TGS1: variants seen among roughly 807,000 people sequenced by gnomAD.
TGS1 encodes the protein trimethylguanosine synthase.
A neutral mutation model predicts 92.2 loss-of-function variants in TGS1; 69 were observed. The ratio of observed to expected loss-of-function variants is 0.75; its 90% CI spans 0.62 to 0.91. The LOEUF (loss-of-function observed/expected upper bound fraction) is 0.91. Among genes scored for constraint, TGS1 ranks in the 40% least tolerant of loss-of-function variants. The probability of loss-of-function intolerance (pLI) is 0.00; values close to 1 mark genes in which losing one functional copy is unlikely to be tolerated. For missense variants in TGS1, 1,062 were observed against 1,001.2 expected (o/e 1.06, Z -0.82); for synonymous variants, 345 against 338.1 (o/e 1.02, Z -0.22).
chr8:55,793,962 G>A (rs935942576), intron 6 of TGS1, among the ~76,000 whole-genome samples: 1 of 151,736 alleles, frequency 6.6e-6, no homozygotes, highest in African/African-American at 2.4e-5. Flanking sequence ...AGAAAAATTA[G>A]GTCATATTAT....
intron 12 of TGS1, among the ~76,000 whole-genome samples, chr8:55,818,382 A>G (rs954866009): frequency 6.6e-5 from 10 of 152,190 alleles, no homozygotes; most frequent in African/African-American, 2.4e-4. Flanking sequence ...CATGTTGGCC[A>G]GCTATTCTTC....
At position 55,786,827 on chromosome 8, in the gene TGS1, G is replaced by T; in HGVS notation, c.929G>T (p.Ser310Ile). ...GTTGATAATGATAGCTCTGGTACAA[G>T]TGATAAGGATCATAGTGAAATACTT... Reference protein sequence around the residue: ...IMVDNDSSGTSDKDHSEILDG... With the variant: ...IMVDNDSSGTIDKDHSEILDG... The change falls in exon 4 of 13, where the codon AGT becomes ATT. Residue 310 changes from serine (S) to isoleucine (I), a missense_variant. Transcript: ENST00000260129. 1 of 1,614,118 alleles carries T rather than the reference G, an allele frequency of 6.2e-7. No individual in the cohort carries two copies. The highest frequency in any genetic ancestry group is 1.1e-5 in the South Asian group (1 of 91,076).
chr8:55,793,246 C>G (rs749398271), intron 6 of TGS1, among the ~76,000 whole-genome samples: 1 of 152,184 alleles, frequency 6.6e-6, no homozygotes. Context: ...ATATTTTCTT[C>G]CAGTCGTTCT....
At chr8:55,778,921 T>C (rs890306180) in intron 1 of TGS1, among the ~76,000 whole-genome samples, 1 of 152,238 alleles carries the variant, frequency 6.6e-6, no homozygotes, top group African/African-American at 2.4e-5. Context: ...TGATGATTGC[T>C]ATATTCAGAG....
chr8:55,824,495 C>T (rs1585801529), intron 12 of TGS1, 86 bp from the exon 13 acceptor site: 1 of 1,544,244 alleles, frequency 6.5e-7, no homozygotes, highest in Non-Finnish European at 8.8e-7. Flanking sequence ...CAGAGTCTTC[C>T]TATTATTTGA....
chr8:55,788,085 A>C (rs1175293665), intron 4 of TGS1, among the ~76,000 whole-genome samples: 1 of 152,250 alleles, frequency 6.6e-6, no homozygotes, highest in Non-Finnish European at 1.5e-5. Flanking sequence ...TCCAAACCCT[A>C]TCAGTGCTCT....
intron 1 of TGS1, among the ~76,000 whole-genome samples, chr8:55,775,365 G>A (rs1811366845): frequency 6.6e-6 from 1 of 152,208 alleles, no homozygotes; most frequent in Admixed American, 6.5e-5. Context: ...CCTTAAGCTG[G>A]GGAATGACAT....
intron 8 of TGS1, among the ~76,000 whole-genome samples, chr8:55,801,431 C>T (rs1158694764): frequency 2.1e-5 from 3 of 144,706 alleles, no homozygotes; most frequent in East Asian, 2.0e-4. Flanking sequence ...CCACCGTGCC[C>T]AGCTAATTTT....
rs965294077 is a variant in TGS1 at position 55,786,997 on chromosome 8, A to G, written c.1099A>G (p.Asn367Asp). ...TGCTTCCGGCCAAAGTGAACCACGTAATGGAGGAACCAATGAGGAAAGCAA... is the reference window on the plus strand; with the variant it reads ...TGCTTCCGGCCAAAGTGAACCACGTGATGGAGGAACCAATGAGGAAAGCAA... Reference protein sequence around the residue: ...CPASGQSEPRNGGTNEESNSS... With the variant: ...CPASGQSEPRDGGTNEESNSS... Residue 367 changes from asparagine to aspartate, a missense_variant, in exon 4 of 13, where the codon AAT becomes GAT. Coordinates refer to ENST00000260129, the MANE Select transcript of TGS1 (RefSeq NM_024831.8). 1.9e-6 allele frequency: 3 copies of G among 1,614,158 alleles called. No individual in the cohort carries two copies. Among genetic ancestry groups the G allele is most frequent in the Non-Finnish European group, 2.5e-6 (3 of 1,180,024 alleles).
intron 1 of TGS1, among the ~76,000 whole-genome samples, chr8:55,779,546 C>G (rs1045156095): frequency 6.6e-6 from 1 of 152,212 alleles, no homozygotes; most frequent in South Asian, 2.1e-4. Context: ...GTAGGAGATG[C>G]AGGCCAGGAA....
intron 1 of TGS1, among the ~76,000 whole-genome samples, chr8:55,774,716 A>C (rs1480090137): frequency 6.6e-6 from 1 of 152,210 alleles, no homozygotes; most frequent in Non-Finnish European, 1.5e-5. Flanking sequence ...CAATATTAAG[A>C]TAACTGGTTA....
chr8:55,792,211 A>T (rs1264530686), intron 5 of TGS1, among the ~76,000 whole-genome samples: 1 of 152,230 alleles, frequency 6.6e-6, no homozygotes, highest in African/African-American at 2.4e-5. Flanking sequence ...GATCTCTAGT[A>T]GGTGGATTCT....
chr8:55,798,267 T>C (rs1446785669), intron 7 of TGS1, among the ~76,000 whole-genome samples: 1 of 152,220 alleles, frequency 6.6e-6, no homozygotes, highest in Non-Finnish European at 1.5e-5. Context: ...GAAGACAAGA[T>C]AGGAAGAATA....
intron 9 of TGS1, among the ~76,000 whole-genome samples, chr8:55,802,960 C>T (rs1210635907): frequency 1.3e-5 from 2 of 148,256 alleles, no homozygotes; most frequent in Non-Finnish European, 3.0e-5. Flanking sequence ...TCCTTTATCA[C>T]GTTTTTTTTT....
At chr8:55,806,043 A>G (rs935673446) in intron 10 of TGS1, among the ~76,000 whole-genome samples, 2 of 151,654 alleles carry the variant, frequency 1.3e-5, no homozygotes, top group East Asian at 1.9e-4. Context: ...CGGGCAACAG[A>G]GTGAGACCTA....
At chr8:55,789,176 C>T (rs1352469600) in intron 4 of TGS1, among the ~76,000 whole-genome samples, 1 of 152,122 alleles carries the variant, frequency 6.6e-6, no homozygotes, top group Non-Finnish European at 1.5e-5. Flanking sequence ...CTGAAAGAGT[C>T]AAAGCTTCCC....
At chr8:55,805,719 A>C (rs1812346848) in intron 10 of TGS1, among the ~76,000 whole-genome samples, 1 of 151,558 alleles carries the variant, frequency 6.6e-6, no homozygotes, top group South Asian at 2.1e-4. Flanking sequence ...AACCCCGTCT[A>C]CTAAAATTAC....
intron 12 of TGS1, among the ~76,000 whole-genome samples, chr8:55,816,457 A>G (rs2130246386): frequency 6.6e-6 from 1 of 152,312 alleles, no homozygotes; most frequent in Non-Finnish European, 1.5e-5. Flanking sequence ...TCTGTTTGAT[A>G]TGGCAGCTTC....
At chr8:55,810,202 T>C (rs1803301847) in intron 10 of TGS1, among the ~76,000 whole-genome samples, 1 of 152,214 alleles carries the variant, frequency 6.6e-6, no homozygotes, top group South Asian at 2.1e-4. Flanking sequence ...GTAGTGCACA[T>C]GCAAGTATAC....
Sources: allele counts gnomAD v4.1 joint callset (sites outside exome capture counted in the v4.1 genomes callset), GRCh38; gene constraint gnomAD v4.1.1; transcripts MANE v1.5; gene names NCBI Gene and HGNC (gene_info 2026-07-23, HGNC 2026-07-21).